The following C4orf50 variants were observed in gnomAD, a reference collection of about 807,000 sequenced individuals.
C4orf50 encodes the protein chromosome 4 open reading frame 50.
C4orf50 carries 80 observed loss-of-function variants against 77.2 expected under a neutral mutation model. The ratio of observed to expected loss-of-function variants is 1.04; its 90% CI spans 0.87 to 1.25. The LOEUF (loss-of-function observed/expected upper bound fraction) is 1.25, where lower values mean the gene tolerates loss of function less well. Ranked by LOEUF, C4orf50 falls within the 50% of genes most tolerant of loss-of-function variation. C4orf50 has a pLI of 0.00. For synonymous variants in C4orf50, 532 were observed against 465.3 expected, an observed-to-expected ratio of 1.14 and a Z score of -1.84; for missense variants, 1,257 against 1,152.9, an observed-to-expected ratio of 1.09 and a Z score of -1.31.
At chr4:5,912,256 CGTGTGTGT>C (rs58017259) in intron 7 of C4orf50, among the ~76,000 whole-genome samples, 284 of 146,092 alleles carry the variant, frequency 1.9e-3, no homozygotes, top group Middle Eastern at 6.8e-3. Context: ...GCACTCCACT[CGTGTGTGT>C]GTGTGTGTGT....
chr4:5,930,610 C>T (rs2108744417), intron 7 of C4orf50, among the ~76,000 whole-genome samples: 1 of 152,346 alleles, frequency 6.6e-6, no homozygotes, highest in South Asian at 2.1e-4. Context: ...TGTGCAGCAG[C>T]TCTGCATAGA....
chr4:5,994,262 C>T (rs4993354), intron 26 of C4orf50, 85 bp downstream of exon 4: 26,476 of 398,076 alleles, frequency 0.067, 1,110 homozygotes, highest in African/African-American at 0.14. Context: ...CCTGCGTCAT[C>T]GGGACATGAT....
At chr4:5,924,075 G>A (rs1560543866) in intron 7 of C4orf50, among the ~76,000 whole-genome samples, 1 of 152,186 alleles carries the variant, frequency 6.6e-6, no homozygotes, top group Non-Finnish European at 1.5e-5. Flanking sequence ...GGGCTCTCGG[G>A]CCTTGGGCCA....
chr4:5,987,860 G>A (rs1720964263), intron 28 of C4orf50, among the ~76,000 whole-genome samples: 2 of 152,198 alleles, frequency 1.3e-5, no homozygotes, highest in Non-Finnish European at 1.5e-5. Context: ...AGCGAAGTCT[G>A]CATGTGGCCT....
chr4:5,963,657 C>T (rs6845281), intron 33 of C4orf50, among the ~76,000 whole-genome samples: 101,688 of 152,110 alleles, frequency 0.67, 34,799 homozygotes, highest in African/African-American at 0.74. Flanking sequence ...AGAAAAATTA[C>T]AATCAGCTGA....
chr4:5,976,405 G>C (rs942134162), intron 29 of C4orf50, among the ~76,000 whole-genome samples: 2 of 147,358 alleles, frequency 1.4e-5, no homozygotes, highest in African/African-American at 5.0e-5. Flanking sequence ...GCAGTGAGCC[G>C]AGATTGCGCC....
chr4:5,988,018 G>C (rs1720972776), intron 28 of C4orf50, among the ~76,000 whole-genome samples: 2 of 152,176 alleles, frequency 1.3e-5, no homozygotes, highest in African/African-American at 2.4e-5. Flanking sequence ...GTTGGAAAAT[G>C]CAAGGGCTGA....
intron 26 of C4orf50, 145 bp from the exon 5 acceptor site, chr4:5,993,075 A>G: frequency 2.6e-6 from 1 of 390,336 alleles, no homozygotes; most frequent in East Asian, 3.6e-5. Context: ...CAGCCTGATG[A>G]CCACCAGCAC....
chr4:5,931,574 C>G (rs991651252), intron 7 of C4orf50, among the ~76,000 whole-genome samples: 1 of 152,162 alleles, frequency 6.6e-6, no homozygotes, highest in Non-Finnish European at 1.5e-5. Flanking sequence ...CCCTTCTAGA[C>G]TGCCATGTTT....
intron 7 of C4orf50, among the ~76,000 whole-genome samples, chr4:5,950,183 C>T (rs1242452427): frequency 6.6e-6 from 1 of 152,132 alleles, no homozygotes; most frequent in Non-Finnish European, 1.5e-5. Context: ...ACCTTATTAA[C>T]ATTCTGATTC....
At position 5,900,383 on chromosome 4, in the gene C4orf50, A is replaced by G. The variant is rs1314991876; in HGVS notation, c.*2475-2195T>C. 1 of 152,140 alleles carries G rather than the reference A, an allele frequency of 6.6e-6. No homozygotes were observed. Among genetic ancestry groups the G allele is most frequent in the Non-Finnish European group, 1.5e-5 (1 of 68,034 alleles). 9.4% of individuals were successfully genotyped at this position (152,140 alleles called of 1,614,324 possible). On this transcript the variant is annotated intron_variant, in intron 7 of 7. Transcript: ENST00000324058. This position sits in a 1 kb window ranked among gnomAD's most constrained non-coding sequence, Gnocchi z 4.3. ...GTGCTTGATTTCACACCGAGAAACT[A>G]GGTAAGGAAGGCTACGGAAGGGTGG...
At chr4:5,913,890 C>G (rs1279630666) in intron 7 of C4orf50, among the ~76,000 whole-genome samples, 3 of 152,166 alleles carry the variant, frequency 2.0e-5, no homozygotes, top group Non-Finnish European at 4.4e-5. Context: ...GACAATAATT[C>G]AATTTCTGAG....
rs1302524477 is a variant in C4orf50, at chr4:6,000,383, G to T, written c.964-5907C>A. ...AAATTCCAGGCTGCATTCAACCTGAGAGCTGGTGGCTGGCTAGCTCTTCAC... is the reference window on the plus strand; with the variant it reads ...AAATTCCAGGCTGCATTCAACCTGATAGCTGGTGGCTGGCTAGCTCTTCAC... On this transcript the variant is annotated intron_variant, in intron 25 of 33. Transcript: ENST00000531445. This position sits in a 1 kb window ranked among gnomAD's most constrained non-coding sequence, Gnocchi z 6.0. Among the ~76,000 whole-genome samples, 1 of 152,118 alleles carries T rather than the reference G, an allele frequency of 6.6e-6. No homozygotes were observed. Among genetic ancestry groups the T allele is most frequent in the Non-Finnish European group, 1.5e-5 (1 of 68,026 alleles).
At chr4:5,924,549 G>C (rs939669347) in intron 7 of C4orf50, among the ~76,000 whole-genome samples, 1 of 152,134 alleles carries the variant, frequency 6.6e-6, no homozygotes, top group Admixed American at 6.5e-5. Context: ...GCCTGGCCCC[G>C]AGCATGAGCC....
chr4:5,915,198 C>T (rs981866274), intron 7 of C4orf50, among the ~76,000 whole-genome samples: 18 of 152,274 alleles, frequency 1.2e-4, no homozygotes, highest in African/African-American at 3.6e-4. Context: ...CCTTAAGAGC[C>T]TCAGTGGTCC....
At chr4:5,988,462 T>C (rs185223506) in exon 28 of C4orf50, 31 of 1,573,292 alleles carry the variant, frequency 2.0e-5, no homozygotes, top group Middle Eastern at 1.7e-4. Context: ...GACATTTCCT[T>C]GCAGGGCATT....
At chr4:5,993,304 C>T (rs16838013) in intron 26 of C4orf50, among the ~76,000 whole-genome samples, 12,492 of 152,262 alleles carry the variant, frequency 0.082, 604 homozygotes, top group African/African-American at 0.14. Context: ...TGACCTGAGT[C>T]GACATGGCAG....
At chr4:5,990,974 C>T (rs965928506) in intron 27 of C4orf50, 150 bp from the exon 6 acceptor site, 1 of 397,862 alleles carries the variant, frequency 2.5e-6, no homozygotes, top group East Asian at 3.6e-5. Context: ...CTGGTACCGC[C>T]CCAGGGCCTT....
intron 7 of C4orf50, among the ~76,000 whole-genome samples, chr4:5,920,457 G>C (rs923627210): frequency 2.2e-4 from 34 of 151,902 alleles, no homozygotes; most frequent in Non-Finnish European, 1.3e-4. Context: ...GGAGGATGAA[G>C]GGAGAGAATA....
Sources: gnomAD v4.1 joint callset for allele counts (sites outside exome capture counted in the v4.1 genomes callset) on GRCh38, gnomAD v4.1.1 for gene constraint, Gnocchi (gnomAD v3.1) non-coding constraint, MANE v1.5 for transcripts, NCBI Gene and HGNC (gene_info 2026-07-23, HGNC 2026-07-21) for gene names.